YTHDC1: variants seen among roughly 807,000 people sequenced by gnomAD.
YTHDC1 encodes the protein YTH domain-containing protein 1.
Under a neutral mutation model 107.0 loss-of-function variants are expected in YTHDC1, and 12 were observed. That is an observed-to-expected ratio of 0.11 (90% confidence interval 0.07 to 0.18). The LOEUF (loss-of-function observed/expected upper bound fraction) is 0.18. Among genes scored for constraint, YTHDC1 ranks in the 10% least tolerant of loss-of-function variants. The pLI, the probability that YTHDC1 is intolerant of heterozygous loss-of-function variation, is 1.00. For missense variants in YTHDC1, 635 were observed against 898.8 expected (o/e 0.71, Z 3.75); for synonymous variants, 280 against 289.5 (o/e 0.97, Z 0.33).
intron 7 of YTHDC1, among the ~76,000 whole-genome samples, chr4:68,331,864 T>C (rs758014251): frequency 6.6e-6 from 1 of 151,434 alleles, no homozygotes; most frequent in Non-Finnish European, 1.5e-5. Flanking sequence ...AAAGTTAAAC[T>C]GTATAGCCTT....
chr4:68,326,119 T>A (rs1722967371), intron 9 of YTHDC1, among the ~76,000 whole-genome samples: 1 of 152,072 alleles, frequency 6.6e-6, no homozygotes, highest in South Asian at 2.1e-4. Context: ...CACCAAAATA[T>A]AAGAAGGTTA....
chr4:68,331,445 AG>A (rs1222289905), intron 7 of YTHDC1, among the ~76,000 whole-genome samples: 1 of 152,146 alleles, frequency 6.6e-6, no homozygotes, highest in East Asian at 1.9e-4. Context: ...GTCTAACTTT[AG>A]TTTTAAGTTT....
intron 9 of YTHDC1, among the ~76,000 whole-genome samples, chr4:68,327,846 TGTAAA>T (rs1428427718): frequency 2.0e-5 from 3 of 152,190 alleles, no homozygotes; most frequent in African/African-American, 7.2e-5. Flanking sequence ...CCTCCAGAAC[TGTAAA>T]GTATTGTAAA....
In YTHDC1 at chr4:68,322,340, G is replaced by C. The variant is rs917596626; in HGVS notation, c.1601+409C>G. On this transcript the variant is annotated intron_variant, in intron 11 of 16. Transcript: ENST00000344157. The surrounding 1 kb of genome is among the most constrained non-coding windows in gnomAD (Gnocchi z 4.8). ...TTTATAAAAGTCCCATATCTGATAAGGCTTATCCAGAGACATACCTGAAAG... is the reference window on the plus strand; with the variant it reads ...TTTATAAAAGTCCCATATCTGATAACGCTTATCCAGAGACATACCTGAAAG... 3.9e-5 allele frequency among the ~76,000 whole-genome samples: 6 copies of C among 152,044 alleles called. No homozygotes were observed. Among genetic ancestry groups the C allele is most frequent in the Admixed American group, 6.5e-5 (1 of 15,274 alleles).
rs1030963103 is a variant in YTHDC1, at chr4:68,330,318, A to G, written c.1123-8T>C. The G allele has an allele frequency of 6.6e-7, 1 of 1,504,134 alleles. No individual in the cohort carries two copies. The allele number at this position is 1,504,134 out of a possible 1,614,324, so 93.2% of individuals were successfully genotyped here. ...GAGCGTGGACCATACACCCTACATA[A>G]ATAACATAAAGACCACAAAGTGAAA... On this transcript the variant is annotated splice_polypyrimidine_tract_variant and splice_region_variant and intron_variant, in intron 7 of 16. Transcript: ENST00000344157.
chr4:68,336,463 G>C (rs532978491), intron 4 of YTHDC1, among the ~76,000 whole-genome samples: 1 of 152,086 alleles, frequency 6.6e-6, no homozygotes, highest in South Asian at 2.1e-4. Flanking sequence ...TTTTCCACAA[G>C]AATTTTATTT....
chr4:68,322,938 TA>T lies in YTHDC1; in HGVS notation c.1435-24del. The T allele has an allele frequency of 6.2e-7, 1 of 1,607,986 alleles. No individual in the cohort carries two copies. The highest frequency in any genetic ancestry group is 8.5e-7 in the Non-Finnish European group (1 of 1,175,706). Reference sequence around the variant, plus strand: ...TTCCTAGAATAGGAAAGTAGCAATTTATAAAACAAAAACAGACCCTTTCAAC... The same window carrying T: ...TTCCTAGAATAGGAAAGTAGCAATTTTAAAACAAAAACAGACCCTTTCAAC... On this transcript the variant is annotated intron_variant, in intron 10 of 16. Transcript: ENST00000344157. This position sits in a 1 kb window ranked among gnomAD's most constrained non-coding sequence, Gnocchi z 4.8.
intron 4 of YTHDC1, among the ~76,000 whole-genome samples, chr4:68,335,795 T>C (rs1269193023): frequency 6.6e-6 from 1 of 151,522 alleles, no homozygotes; most frequent in East Asian, 2.0e-4. Context: ...AGCATAAAGA[T>C]TTCATATGTT....
chr4:68,321,267 A>C (rs1262188629), intron 11 of YTHDC1, among the ~76,000 whole-genome samples: 1 of 152,222 alleles, frequency 6.6e-6, no homozygotes, highest in Non-Finnish European at 1.5e-5. Flanking sequence ...CTCAAACTGC[A>C]AAGTTAAGTG....
intron 4 of YTHDC1, among the ~76,000 whole-genome samples, chr4:68,335,483 A>G (rs1288146240): frequency 6.6e-6 from 1 of 152,282 alleles, no homozygotes; most frequent in Admixed American, 6.5e-5. Flanking sequence ...CCACAAAAAC[A>G]AAGTGTGTCA....
intron 9 of YTHDC1, 144 bp downstream of exon 9, chr4:68,329,858 G>A (rs893558746): frequency 2.3e-5 from 13 of 570,900 alleles, no homozygotes; most frequent in Non-Finnish European, 3.2e-5. Flanking sequence ...GACTAAATAC[G>A]CCTTTGTTGT....
At position 68,313,900 on chromosome 4, in the gene YTHDC1, T is replaced by C. The variant is rs1264501649; in HGVS notation, c.*199A>G. On this transcript the variant is annotated 3_prime_UTR_variant, in exon 17 of 17. Coordinates refer to ENST00000344157, the MANE Select transcript of YTHDC1 (RefSeq NM_001031732.4). ...TAAAAGTGTCAATTCAACTGTCAGC[T>C]GTGGATTTTTGGCGGATTTGAGTTT... 4.1e-5 allele frequency: 25 copies of C among 610,468 alleles called. No individual in the cohort carries two copies. The highest frequency in any genetic ancestry group is 6.6e-5 in the Non-Finnish European group (23 of 348,466). 37.8% of individuals were successfully genotyped at this position (610,468 alleles called of 1,614,324 possible).
chr4:68,330,969 T>C lies in YTHDC1; in HGVS notation c.1123-659A>G, dbSNP rs142848409. On this transcript the variant is annotated intron_variant, in intron 7 of 16. Coordinates refer to ENST00000344157, the MANE Select transcript of YTHDC1 (RefSeq NM_001031732.4). ...ATCTGCTCATACAAATGACATCTCA[T>C]TCAAACTAAGTGCTTACAGTTGTTC... 1.3e-4 allele frequency among the ~76,000 whole-genome samples: 20 copies of C among 152,258 alleles called. No homozygotes were observed. The East Asian group carries it at 3.9e-3, about 29-fold the overall frequency.
At chr4:68,349,347 A>G (rs1725815623) in intron 1 of YTHDC1, among the ~76,000 whole-genome samples, 1 of 149,504 alleles carries the variant, frequency 6.7e-6, no homozygotes, top group Non-Finnish European at 1.5e-5. Flanking sequence ...AGGGGTTTTC[A>G]AATTTTAGCC....
Position 68,350,006 on chromosome 4 carries a change from G to C in YTHDC1, c.-253C>G. 3.4e-6 allele frequency: 2 copies of C among 580,426 alleles called. No individual in the cohort carries two copies. The highest frequency in any genetic ancestry group is 4.3e-5 in the South Asian group (2 of 46,970). 36.0% of individuals were successfully genotyped at this position (580,426 alleles called of 1,614,324 possible). A position where few individuals can be genotyped will look rare whatever the true frequency, so the allele number is the denominator to read the frequency against. On this transcript the variant is annotated 5_prime_UTR_variant, in exon 1 of 17. Transcript: ENST00000344157. Reference sequence around the variant, plus strand: ...AGGGCTCAGACTCGGGCTAGGTATGGGGGAGGGAAGGGAAACAGATGGCGA... The same window carrying C: ...AGGGCTCAGACTCGGGCTAGGTATGCGGGAGGGAAGGGAAACAGATGGCGA...
intron 9 of YTHDC1, among the ~76,000 whole-genome samples, chr4:68,326,287 G>GT (rs1238988227): frequency 1.3e-5 from 2 of 152,154 alleles, no homozygotes; most frequent in Non-Finnish European, 2.9e-5. Context: ...TCTGTTCACT[G>GT]TTTCAACACA....
chr4:68,327,146 G>GA (rs1181730781), intron 9 of YTHDC1, among the ~76,000 whole-genome samples: 1 of 151,942 alleles, frequency 6.6e-6, no homozygotes, highest in African/African-American at 2.4e-5. Context: ...TGAGGCAGAA[G>GA]AATCGCTTGA....
At chr4:68,346,082 T>C (rs952385431) in intron 1 of YTHDC1, among the ~76,000 whole-genome samples, 2 of 126,694 alleles carry the variant, frequency 1.6e-5, no homozygotes, top group Admixed American at 7.7e-5. Flanking sequence ...TGTGTACATA[T>C]ATATATATAT....
chr4:68,341,078 T>C (rs1378126993), intron 1 of YTHDC1, among the ~76,000 whole-genome samples: 1 of 152,124 alleles, frequency 6.6e-6, no homozygotes, highest in Non-Finnish European at 1.5e-5. Context: ...ACTTTTAAAA[T>C]ATATCATATA....
Sources: gnomAD v4.1 joint callset for allele counts (sites outside exome capture counted in the v4.1 genomes callset) on GRCh38, gnomAD v4.1.1 for gene constraint, Gnocchi (gnomAD v3.1) non-coding constraint, MANE v1.5 for transcripts, NCBI Gene and HGNC (gene_info 2026-07-23, HGNC 2026-07-21) for gene names.